PRMT8: variants seen among roughly 807,000 people sequenced by gnomAD.
PRMT8 encodes protein arginine methyltransferase 8.
A neutral mutation model predicts 47.1 loss-of-function variants in PRMT8; 7 were observed. The observed-to-expected ratio is 0.15, with a 90% CI of 0.08 to 0.28. PRMT8 has a LOEUF of 0.28. PRMT8 is among the 10% of genes least tolerant of loss of function. PRMT8 has a pLI of 1.00. For missense variants in PRMT8, 237 were observed against 505.4 expected (o/e 0.47, Z 5.09); for synonymous variants, 188 against 186.5 (o/e 1.01, Z -0.07).
At chr12:3,396,338 C>T (rs1287656170) in intron 1 of PRMT8, among the ~76,000 whole-genome samples, 1 of 152,154 alleles carries the variant, frequency 6.6e-6, no homozygotes, top group Non-Finnish European at 1.5e-5. Flanking sequence ...CATGATTTTG[C>T]AGCGGCTGGT....
chr12:3,459,681 G>A (rs557584060), intron 1 of PRMT8, among the ~76,000 whole-genome samples: 3 of 152,332 alleles, frequency 2.0e-5, no homozygotes, highest in Middle Eastern at 3.4e-3. Flanking sequence ...GGGCCCAGGA[G>A]AGAGTTGAAG....
chr12:3,406,251 G>C (rs12829323), intron 1 of PRMT8, among the ~76,000 whole-genome samples: 2,400 of 152,332 alleles, frequency 0.016, 36 homozygotes, highest in East Asian at 0.037. Context: ...ACAGCAGGGG[G>C]CCCTGAACTT....
rs1866694920 is a variant in PRMT8, at chr12:3,564,976, G to A, written c.482-3730G>A. The stretch of plus-strand genomic sequence containing the variant: ...TCTGGAAGTTTAAGTGGTTGCTGGT[G>A]GTGACTACAGACTGCAGGAAGAATA... On this transcript the variant is annotated intron_variant, in intron 4 of 9. Transcript: ENST00000382622. The surrounding 1 kb of genome is among the most constrained non-coding windows in gnomAD (Gnocchi z 4.0). Among the ~76,000 whole-genome samples the A allele has an allele frequency of 6.6e-6, 1 of 152,224 alleles. No homozygotes were observed. Among genetic ancestry groups the A allele is most frequent in the Non-Finnish European group, 1.5e-5 (1 of 68,038 alleles).
upstream of PRMT8, chr12:3,491,164 C>G: frequency 1.0e-6 from 1 of 986,610 alleles, no homozygotes; most frequent in Non-Finnish European, 1.2e-6. Context: ...CCCCACTCAC[C>G]CGGCTCAGCC....
At chr12:3,553,820 G>A (rs1168576181) in intron 4 of PRMT8, 106 bp downstream of exon 4, 4 of 1,088,558 alleles carry the variant, frequency 3.7e-6, no homozygotes, top group Non-Finnish European at 5.5e-6. Context: ...TTGGACTTGG[G>A]GAGGTGGTGC....
At chr12:3,541,588 A>G (rs1866231857) in intron 2 of PRMT8, among the ~76,000 whole-genome samples, 1 of 152,238 alleles carries the variant, frequency 6.6e-6, no homozygotes. Flanking sequence ...CAGCATAAGA[A>G]AAAATTGAAA....
Position 3,493,385 on chromosome 12 carries a change from C to A in PRMT8, c.75+1685C>A, listed in dbSNP as rs902296354. Among the ~76,000 whole-genome samples, 13 of 152,276 alleles carry A rather than the reference C, an allele frequency of 8.5e-5. No individual in the cohort carries two copies. The highest frequency in any genetic ancestry group is 1.2e-4 in the African/African-American group (5 of 41,472). ...AGCCCAGGGCTTCAAGGCCGCGCTT[C>A]TGTGAAGTGTGGAGCGAGCGGGCAC... On this transcript the variant is annotated intron_variant, in intron 1 of 9. Coordinates refer to ENST00000382622, the MANE Select transcript of PRMT8 (RefSeq NM_019854.5). The surrounding 1 kb of genome is among the most constrained non-coding windows in gnomAD (Gnocchi z 8.2).
intron 1 of PRMT8, among the ~76,000 whole-genome samples, chr12:3,462,339 C>T (rs551866601): frequency 5.3e-5 from 8 of 152,068 alleles, no homozygotes; most frequent in African/African-American, 1.9e-4. Context: ...GGTATATGTA[C>T]AGCACAAGAA....
chr12:3,526,513 T>G lies in PRMT8; in HGVS notation c.76-14093T>G, dbSNP rs185949713. On this transcript the variant is annotated intron_variant, in intron 1 of 9. Coordinates refer to ENST00000382622, the MANE Select transcript of PRMT8 (RefSeq NM_019854.5). Reference sequence around the variant, plus strand: ...CAAGAGTTCCAATTTTCCACTCTCTTACAAACACTTGTCATTGTCTTTCTT... The same window carrying G: ...CAAGAGTTCCAATTTTCCACTCTCTGACAAACACTTGTCATTGTCTTTCTT... Among the ~76,000 whole-genome samples, 107 of 152,346 alleles carry G rather than the reference T, an allele frequency of 7.0e-4. No individual in the cohort carries two copies. In the East Asian group the frequency reaches 9.8e-3, roughly 14 times the overall value.
At chr12:3,411,906 A>G (rs780372975) in intron 1 of PRMT8, among the ~76,000 whole-genome samples, 2 of 152,194 alleles carry the variant, frequency 1.3e-5, no homozygotes, top group Non-Finnish European at 2.9e-5. Context: ...TCAGCTATTC[A>G]CTTATAGCAA....
Position 3,492,819 on chromosome 12 carries a change from C to A in PRMT8, c.75+1119C>A, listed in dbSNP as rs1370526809. Reference sequence around the variant, plus strand: ...CTTACTCAGTGGCAGGAAAAAGACACAGAGAGCAAACTCCCAGGCTCTATT... The same window carrying A: ...CTTACTCAGTGGCAGGAAAAAGACAAAGAGAGCAAACTCCCAGGCTCTATT... On this transcript the variant is annotated intron_variant, in intron 1 of 9. Coordinates refer to ENST00000382622, the MANE Select transcript of PRMT8 (RefSeq NM_019854.5). The surrounding 1 kb of genome is among the most constrained non-coding windows in gnomAD (Gnocchi z 7.5). 6.6e-6 allele frequency among the ~76,000 whole-genome samples: 1 copy of A among 152,020 alleles called. No homozygotes were observed. The highest frequency in any genetic ancestry group is 1.5e-5 in the Non-Finnish European group (1 of 68,016).
chr12:3,431,203 G>T (rs563312528), intron 1 of PRMT8, among the ~76,000 whole-genome samples: 67 of 152,302 alleles, frequency 4.4e-4, no homozygotes, highest in Non-Finnish European at 8.1e-4. Flanking sequence ...CAGAGAATGG[G>T]CTGGGAGGAG....
At chr12:3,458,855 A>G (rs779138635) in intron 1 of PRMT8, among the ~76,000 whole-genome samples, 7 of 152,038 alleles carry the variant, frequency 4.6e-5, no homozygotes, top group Non-Finnish European at 1.0e-4. Flanking sequence ...CTGTCTGTTC[A>G]CCTGGGGAGG....
intron 4 of PRMT8, 59 bp from the exon 5 acceptor site, chr12:3,568,647 G>T: frequency 6.2e-7 from 1 of 1,603,196 alleles, no homozygotes; most frequent in East Asian, 2.2e-5. Flanking sequence ...GAAGTGAGGT[G>T]CTTGTGGTTC....
intron 1 of PRMT8, among the ~76,000 whole-genome samples, chr12:3,467,218 C>T (rs34326003): frequency 0.086 from 10,467 of 121,430 alleles, 460 homozygotes; most frequent in Middle Eastern, 0.16. Context: ...CCAGCCTGGG[C>T]GACAGAGCAA....
intron 2 of PRMT8, among the ~76,000 whole-genome samples, chr12:3,547,872 A>G (rs1437628560): frequency 1.3e-5 from 2 of 152,218 alleles, no homozygotes; most frequent in Non-Finnish European, 2.9e-5. Context: ...AGTCTGATAG[A>G]TGCCAGGAGC....
In PRMT8 at chr12:3,569,715, C is replaced by G; in HGVS notation, c.712+151C>G. 1 of 685,168 alleles carries G rather than the reference C, an allele frequency of 1.5e-6. No individual in the cohort carries two copies. The highest frequency in any genetic ancestry group is 2.6e-6 in the Non-Finnish European group (1 of 380,096). The allele number at this position is 685,168 out of a possible 1,614,324, so 42.4% of individuals were successfully genotyped here. A position where few individuals can be genotyped will look rare whatever the true frequency, so the allele number is the denominator to read the frequency against. ...TGGGACCCTTTCTGGAGTCTGCTCTCTAAATGTTTCTATCTAGTCCCAAGG... is the reference window on the plus strand; with the variant it reads ...TGGGACCCTTTCTGGAGTCTGCTCTGTAAATGTTTCTATCTAGTCCCAAGG... On this transcript the variant is annotated intron_variant, in intron 6 of 9. Transcript: ENST00000382622. The surrounding 1 kb of genome is among the most constrained non-coding windows in gnomAD (Gnocchi z 8.2).
intron 7 of PRMT8, among the ~76,000 whole-genome samples, chr12:3,582,373 T>G (rs1867083198): frequency 6.6e-6 from 1 of 152,234 alleles, no homozygotes; most frequent in African/African-American, 2.4e-5. Flanking sequence ...CACTTCTTAT[T>G]TTCCCCTTTT....
At position 3,557,379 on chromosome 12, in the gene PRMT8, G is replaced by GA. The variant is rs1357439289; in HGVS notation, c.481+3667dup. 6.6e-6 allele frequency among the ~76,000 whole-genome samples: 1 copy of GA among 152,156 alleles called. No homozygotes were observed. The highest frequency in any genetic ancestry group is 1.5e-5 in the Non-Finnish European group (1 of 68,032). ...TAAGCTGGGCCAGGAAGGAAGCGGA[G>GA]AAGGATGGTGGTGGTTGTGACAAAG... is the stretch of plus-strand genomic sequence containing the variant. On this transcript the variant is annotated intron_variant, in intron 4 of 9. Transcript: ENST00000382622. The surrounding 1 kb of genome is among the most constrained non-coding windows in gnomAD (Gnocchi z 4.7).
Sources: allele counts gnomAD v4.1 joint callset (sites outside exome capture counted in the v4.1 genomes callset), GRCh38; gene constraint gnomAD v4.1.1; non-coding constraint Gnocchi (gnomAD v3.1); transcripts MANE v1.5; gene names NCBI Gene and HGNC (gene_info 2026-07-23, HGNC 2026-07-21).